The following SH3BGRL2 variants were observed in gnomAD, a reference collection of about 807,000 sequenced individuals.
SH3BGRL2 encodes SH3 domain-binding glutamic acid-rich-like protein 2.
A neutral mutation model predicts 14.8 loss-of-function variants in SH3BGRL2; 21 were observed. The observed-to-expected ratio is 1.42, with a 90% CI of 1.01 to 2.05. The LOEUF (loss-of-function observed/expected upper bound fraction) is 2.05, where lower values mean the gene tolerates loss of function less well. Ranked by LOEUF, SH3BGRL2 falls within the 30% of genes most tolerant of loss-of-function variation. The pLI is 0.00. For synonymous variants in SH3BGRL2, 50 were observed against 47.8 expected, an observed-to-expected ratio of 1.05 and a Z score of -0.19; for missense variants, 147 against 130.8, an observed-to-expected ratio of 1.12 and a Z score of -0.61.
intron 1 of SH3BGRL2, among the ~76,000 whole-genome samples, chr6:79,657,078 G>A (rs188864334): frequency 3.0e-4 from 45 of 152,326 alleles, no homozygotes; most frequent in Admixed American, 5.2e-4. Context: ...AAAGGAATGC[G>A]CAGCAAGATT....
At chr6:79,575,259 G>C in the SH3BGRL2 span, 1 of 152,044 alleles carries the variant, frequency 6.6e-6, no homozygotes, top group Non-Finnish European at 1.5e-5. Context: ...CTGAAATTTT[G>C]TGTCCTTTGA....
At chr6:79,559,792 C>T in the SH3BGRL2 span, among the ~76,000 whole-genome samples, 9 of 152,274 alleles carry the variant, frequency 5.9e-5, no homozygotes, top group South Asian at 1.9e-3. Flanking sequence ...ATGTATGCAA[C>T]TTCCTCTCAG....
chr6:79,545,797 AAG>A, the SH3BGRL2 span, among the ~76,000 whole-genome samples: 1 of 152,210 alleles, frequency 6.6e-6, no homozygotes, highest in Admixed American at 6.5e-5. Flanking sequence ...GTATTCAGGA[AAG>A]AGAAAAGCTA....
the SH3BGRL2 span, among the ~76,000 whole-genome samples, chr6:79,590,424 G>GATATATATATATAT: frequency 6.5e-3 from 433 of 66,520 alleles, 9 homozygotes; most frequent in Non-Finnish European, 8.2e-3. Context: ...AAGAAAATGT[G>GATATATATATATAT]ATATATATAT....
chr6:79,602,214 G>T, the SH3BGRL2 span, among the ~76,000 whole-genome samples: 2 of 152,136 alleles, frequency 1.3e-5, no homozygotes, highest in African/African-American at 4.8e-5. Flanking sequence ...TTCAAAAACG[G>T]TCTGTGCCCT....
the SH3BGRL2 span, chr6:79,552,823 G>A: frequency 6.6e-6 from 1 of 152,126 alleles, no homozygotes; most frequent in South Asian, 2.1e-4. Context: ...TCAAAATAGG[G>A]GCTCTGCATA....
At chr6:79,566,197 C>T in the SH3BGRL2 span, among the ~76,000 whole-genome samples, 1 of 152,180 alleles carries the variant, frequency 6.6e-6, no homozygotes, top group Non-Finnish European at 1.5e-5. Context: ...CCAAGAGTAT[C>T]TCAGTACCTA....
At position 79,703,000 on chromosome 6, in the gene SH3BGRL2, C is replaced by G. The variant is rs565189555; in HGVS notation, c.*3491C>G. The G allele has an allele frequency of 1.3e-5, 2 of 152,330 alleles. No homozygotes were observed. The highest frequency in any genetic ancestry group is 4.1e-4 in the South Asian group (2 of 4,826). 9.4% of individuals were successfully genotyped at this position (152,330 alleles called of 1,614,324 possible). ...CGATTTCAAGCCCTACGCACCAGAA[C>G]AGAAGGAGGGTGGAGGAAGTGATCA... On this transcript the variant is annotated 3_prime_UTR_variant, in exon 4 of 4. Coordinates refer to ENST00000369838, the MANE Select transcript of SH3BGRL2 (RefSeq NM_031469.4).
chr6:79,699,733 G>A lies in SH3BGRL2; in HGVS notation c.*224G>A. 2.0e-6 allele frequency: 1 copy of A among 505,364 alleles called. No homozygotes were observed. The highest frequency in any genetic ancestry group is 3.2e-6 in the Non-Finnish European group (1 of 308,582). The allele number at this position is 505,364 out of a possible 1,614,324, so 31.3% of individuals were successfully genotyped here. On this transcript the variant is annotated 3_prime_UTR_variant, in exon 4 of 4. Coordinates refer to ENST00000369838, the MANE Select transcript of SH3BGRL2 (RefSeq NM_031469.4). ...TTTTTTTTTCTTATTCTATTTGCCTGCAGTTGCCTCACTCACCTGGAAATA... is the reference window on the plus strand; with the variant it reads ...TTTTTTTTTCTTATTCTATTTGCCTACAGTTGCCTCACTCACCTGGAAATA...
chr6:79,589,305 A>G, the SH3BGRL2 span, among the ~76,000 whole-genome samples: 1 of 151,726 alleles, frequency 6.6e-6, no homozygotes, highest in Admixed American at 6.6e-5. Flanking sequence ...AAGAGAAACT[A>G]TAAAAGATAA....
chr6:79,651,379 TG>T (rs918694987), intron 1 of SH3BGRL2, among the ~76,000 whole-genome samples: 2 of 152,206 alleles, frequency 1.3e-5, no homozygotes, highest in Non-Finnish European at 2.9e-5. Context: ...ATTTTATGCT[TG>T]GCTGACTTTT....
the SH3BGRL2 span, among the ~76,000 whole-genome samples, chr6:79,559,081 T>C: frequency 0.79 from 119,560 of 152,160 alleles, 47,077 homozygotes; most frequent in Middle Eastern, 0.89. Context: ...AGTGGCTCAT[T>C]CATTCCAGGT....
intron 1 of SH3BGRL2, among the ~76,000 whole-genome samples, chr6:79,633,382 C>A (rs1212926283): frequency 6.6e-6 from 1 of 152,088 alleles, no homozygotes; most frequent in Non-Finnish European, 1.5e-5. Context: ...ATAACAGCTT[C>A]TTTTGCTTGA....
At chr6:79,548,494 T>C in the SH3BGRL2 span, among the ~76,000 whole-genome samples, 1 of 152,334 alleles carries the variant, frequency 6.6e-6, no homozygotes, top group East Asian at 1.9e-4. Context: ...GTGTGTTTAC[T>C]ATGCTGGCAG....
intron 2 of SH3BGRL2, among the ~76,000 whole-genome samples, chr6:79,683,956 C>T (rs1284907912): frequency 6.6e-6 from 1 of 152,160 alleles, no homozygotes; most frequent in Non-Finnish European, 1.5e-5. Context: ...TTTTGACCTA[C>T]GTTGTAGGGT....
chr6:79,680,875 G>A (rs1345433621), intron 2 of SH3BGRL2, among the ~76,000 whole-genome samples: 2 of 151,982 alleles, frequency 1.3e-5, no homozygotes, highest in African/African-American at 4.8e-5. Flanking sequence ...TTTATTATTA[G>A]TGTCTAAAAA....
chr6:79,611,928 G>A, the SH3BGRL2 span, among the ~76,000 whole-genome samples: 1 of 152,114 alleles, frequency 6.6e-6, no homozygotes, highest in Non-Finnish European at 1.5e-5. Flanking sequence ...TATGTAAAGA[G>A]CCTGGTATAG....
chr6:79,554,067 A>G, the SH3BGRL2 span, among the ~76,000 whole-genome samples: 2 of 152,114 alleles, frequency 1.3e-5, no homozygotes, highest in Non-Finnish European at 2.9e-5. Flanking sequence ...TATTATTCAT[A>G]AGCTATCATC....
intron 1 of SH3BGRL2, among the ~76,000 whole-genome samples, chr6:79,670,054 C>T (rs559900647): frequency 4.6e-5 from 7 of 152,218 alleles, no homozygotes; most frequent in Admixed American, 1.3e-4. Flanking sequence ...TCTGCCATTG[C>T]AGGGAGAAAG....
Sources: allele counts gnomAD v4.1 joint callset (sites outside exome capture counted in the v4.1 genomes callset), GRCh38; gene constraint gnomAD v4.1.1; transcripts MANE v1.5; gene names NCBI Gene and HGNC (gene_info 2026-07-23, HGNC 2026-07-21).